The following SOAT1 variants were observed in gnomAD, a reference collection of about 807,000 sequenced individuals.
SOAT1 encodes sterol O-acyltransferase 1, also known as acyl-coenzyme A:cholesterol acyltransferase 1.
A neutral mutation model predicts 69.5 loss-of-function variants in SOAT1; 55 were observed. The ratio of observed to expected loss-of-function variants is 0.79; its 90% CI spans 0.64 to 0.99. The LOEUF is 0.99. Ranked by LOEUF, SOAT1 falls within the 50% of genes least tolerant of loss-of-function variation. SOAT1 has a pLI of 0.00. For synonymous variants in SOAT1, 231 were observed against 224.7 expected (o/e 1.03, Z -0.25); for missense variants, 580 against 669.3 (o/e 0.87, Z 1.47).
At chr1:179,347,516 C>A in intron 11 of SOAT1, 84 bp from the exon 12 acceptor site, 1 of 748,952 alleles carries the variant, frequency 1.3e-6, no homozygotes, top group Non-Finnish European at 2.3e-6. Context: ...ATAATCCCAG[C>A]TAAATAAAAT....
At chr1:179,340,066 C>G (rs1666282195) in intron 6 of SOAT1, among the ~76,000 whole-genome samples, 1 of 152,142 alleles carries the variant, frequency 6.6e-6, no homozygotes. Flanking sequence ...CTGGAACCAA[C>G]CCCCCATGTA....
chr1:179,318,740 T>C (rs1665486345), intron 2 of SOAT1, among the ~76,000 whole-genome samples: 1 of 152,200 alleles, frequency 6.6e-6, no homozygotes, highest in African/African-American at 2.4e-5. Flanking sequence ...TGACTTCCTC[T>C]TTTCACTTGG....
chr1:179,323,462 A>T lies in SOAT1; in HGVS notation c.144A>T (p.Ile48=). The T allele has an allele frequency of 1.2e-6, 2 of 1,613,944 alleles. No homozygotes were observed. Among genetic ancestry groups the T allele is most frequent in the South Asian group, 1.1e-5 (1 of 91,052 alleles). Residue 48 remains isoleucine, a synonymous_variant, in exon 3 of 16, where the codon ATA becomes ATT. Coordinates refer to ENST00000367619, the MANE Select transcript of SOAT1 (RefSeq NM_003101.6). The part of the protein sequence containing the change: ...SNGRIDIKQL[I]AKKIKLTAEA... The stretch of plus-strand genomic sequence containing the variant: ...GTCGAATTGACATAAAACAGTTGAT[A>T]GCAAAGAAGATAAAGTTGACAGCAG...
chr1:179,341,994 T>C, intron 7 of SOAT1, 120 bp from the exon 8 acceptor site: 1 of 1,345,928 alleles, frequency 7.4e-7, no homozygotes, highest in Non-Finnish European at 9.8e-7. Flanking sequence ...TTTTAATTTG[T>C]TTATACACTT....
rs1212789520 is a variant in SOAT1 at position 179,339,514 on chromosome 1, A to G, written c.466A>G (p.Thr156Ala). The G allele has an allele frequency of 6.2e-7, 1 of 1,612,206 alleles. No individual in the cohort carries two copies. The highest frequency in any genetic ancestry group is 1.1e-5 in the South Asian group (1 of 90,874). The change falls in exon 6 of 16, where the codon ACA becomes GCA. Residue 156 changes from threonine to alanine, a missense_variant. Transcript: ENST00000367619. Reference protein sequence around the residue: ...IALLILFILSTLVVDYIDEGR... With the variant: ...IALLILFILSALVVDYIDEGR... ...CCTCCTCATTCTCTTTATCCTCAGC[A>G]CACTTGTAGTAGATTACATTGATGA...
At chr1:179,322,027 G>T (rs535967424) in intron 2 of SOAT1, among the ~76,000 whole-genome samples, 1 of 151,632 alleles carries the variant, frequency 6.6e-6, no homozygotes, top group Non-Finnish European at 1.5e-5. Context: ...GACTACAGGC[G>T]TGCACCACCA....
intron 5 of SOAT1, 125 bp from the exon 6 acceptor site, chr1:179,339,312 TG>T (rs368692913): frequency 2.5e-4 from 128 of 509,790 alleles, no homozygotes; most frequent in Middle Eastern, 2.0e-3. Context: ...TTTTTTGAGA[TG>T]TTTTTGGAGA....
chr1:179,325,735 A>G (rs1665767967), intron 3 of SOAT1, among the ~76,000 whole-genome samples: 1 of 152,150 alleles, frequency 6.6e-6, no homozygotes, highest in African/African-American at 2.4e-5. Flanking sequence ...CCCAAAGGCG[A>G]AAGGGAGTTT....
chr1:179,341,758 C>G (rs1571448756), intron 7 of SOAT1, among the ~76,000 whole-genome samples: 1 of 152,172 alleles, frequency 6.6e-6, no homozygotes, highest in South Asian at 2.1e-4. Context: ...TGGTCTCAAA[C>G]TCCTGACCTT....
chr1:179,344,421 C>T (rs1666456007), intron 10 of SOAT1, among the ~76,000 whole-genome samples: 1 of 134,612 alleles, frequency 7.4e-6, no homozygotes, highest in African/African-American at 2.8e-5. Context: ...GTTACCGATG[C>T]TGGAGTGCAG....
intron 2 of SOAT1, among the ~76,000 whole-genome samples, chr1:179,320,299 G>A (rs762987036): frequency 1.3e-4 from 20 of 151,924 alleles, no homozygotes; most frequent in Non-Finnish European, 2.8e-4. Context: ...GAATCTTTCC[G>A]CATTTTTCTT....
rs1057100817 is a variant in SOAT1 at position 179,308,621 on chromosome 1, G to A, written c.118+5819G>A. On this transcript the variant is annotated intron_variant, in intron 2 of 15. Coordinates refer to ENST00000367619, the MANE Select transcript of SOAT1 (RefSeq NM_003101.6). ...TGGGAGACGGAGGTTTCAGTGAGCCGAGACCGCGCCACTGCACTCTAGCCT... is the reference window on the plus strand; with the variant it reads ...TGGGAGACGGAGGTTTCAGTGAGCCAAGACCGCGCCACTGCACTCTAGCCT... Among the ~76,000 whole-genome samples, 11 of 147,322 alleles carry A rather than the reference G, an allele frequency of 7.5e-5. No homozygotes were observed. The South Asian group carries it at 1.5e-3, about 20-fold the overall frequency.
intron 2 of SOAT1, among the ~76,000 whole-genome samples, chr1:179,303,505 T>C (rs1434872600): frequency 2.0e-5 from 3 of 152,236 alleles, no homozygotes; most frequent in African/African-American, 7.2e-5. Flanking sequence ...AAATTGAGGA[T>C]TGTTTAGTTA....
chr1:179,356,152 C>T lies in SOAT1; in HGVS notation c.*2511C>T, dbSNP rs571014058. On this transcript the variant is annotated 3_prime_UTR_variant, in exon 16 of 16. Transcript: ENST00000367619. ...GAAAATTATTTTCAGTTATAGGATA[C>T]TTTTTTCCTTCTGAAAAGTAATAAG... 2.6e-5 allele frequency: 4 copies of T among 152,078 alleles called. No homozygotes were observed. Among genetic ancestry groups the T allele is most frequent in the Non-Finnish European group, 5.9e-5 (4 of 68,004 alleles). 9.4% of individuals were successfully genotyped at this position (152,078 alleles called of 1,614,324 possible). A position where few individuals can be genotyped will look rare whatever the true frequency, so the allele number is the denominator to read the frequency against.
chr1:179,335,664 A>G lies in SOAT1; in HGVS notation c.329+7A>G, dbSNP rs762203285. The G allele has an allele frequency of 8.7e-6, 14 of 1,606,814 alleles. No homozygotes were observed. The African/African-American group carries it at 1.3e-4, about 15-fold the overall frequency. Reference sequence around the variant, plus strand: ...AAAACAACCATAGAGCGAAGTAAGTATGTGCTATTTTCTTTTAATGCAAAC... The same window carrying G: ...AAAACAACCATAGAGCGAAGTAAGTGTGTGCTATTTTCTTTTAATGCAAAC... On this transcript the variant is annotated splice_region_variant and intron_variant, in intron 4 of 15. Coordinates refer to ENST00000367619, the MANE Select transcript of SOAT1 (RefSeq NM_003101.6).
chr1:179,334,006 G>A (rs1329505949), intron 3 of SOAT1, among the ~76,000 whole-genome samples: 1 of 152,228 alleles, frequency 6.6e-6, no homozygotes, highest in Admixed American at 6.5e-5. Flanking sequence ...TACCAAGGCT[G>A]CAGTTCCTTG....
In SOAT1 at chr1:179,335,623, G is replaced by C; in HGVS notation, c.295G>C (p.Val99Leu). Residue 99 changes from valine to leucine, a missense_variant, in exon 4 of 16, where the codon GTT becomes CTT. Physicochemically the swap from Val to Leu is conservative, Grantham distance 32. Transcript: ENST00000367619. ...TGGGTGCGCTCTCACAACCTTTTCTGTTCTTGAAGGAGAGAAAAACAACCA... is the reference window on the plus strand; with the variant it reads ...TGGGTGCGCTCTCACAACCTTTTCTCTTCTTGAAGGAGAGAAAAACAACCA... ...NGGCALTTFS[V>L]LEGEKNNHRA... 6.2e-7 allele frequency: 1 copy of C among 1,613,340 alleles called. No homozygotes were observed. Among genetic ancestry groups the C allele is most frequent in the Non-Finnish European group, 8.5e-7 (1 of 1,179,636 alleles).
intron 12 of SOAT1, 130 bp downstream of exon 12, chr1:179,347,827 GT>G: frequency 1.7e-6 from 1 of 585,012 alleles, no homozygotes; most frequent in South Asian, 2.3e-5. Flanking sequence ...TTTTCTACAA[GT>G]TTTGCCAGTA....
chr1:179,320,374 G>A (rs986606251), intron 2 of SOAT1, among the ~76,000 whole-genome samples: 1 of 151,308 alleles, frequency 6.6e-6, no homozygotes, highest in Non-Finnish European at 1.5e-5. Flanking sequence ...TGGACTCTCA[G>A]TTCTTTTACA....
Sources: gnomAD v4.1 joint callset for allele counts (sites outside exome capture counted in the v4.1 genomes callset) on GRCh38, gnomAD v4.1.1 for gene constraint, MANE v1.5 for transcripts, NCBI Gene and HGNC (gene_info 2026-07-23, HGNC 2026-07-21) for gene names.